PAX5: variants seen among roughly 807,000 people sequenced by gnomAD.
PAX5 encodes the protein paired box protein Pax-5.
PAX5 carries 9 observed loss-of-function variants against 43.7 expected under a neutral mutation model. The observed-to-expected ratio is 0.21, with a 90% CI of 0.12 to 0.36. PAX5 has a LOEUF of 0.36. Among genes scored for constraint, PAX5 ranks in the 10% least tolerant of loss-of-function variants. The pLI is 1.00. For synonymous variants in PAX5, 228 were observed against 214.3 expected (o/e 1.06, Z -0.56); for missense variants, 383 against 532.7 (o/e 0.72, Z 2.77).
intron 6 of PAX5, among the ~76,000 whole-genome samples, chr9:36,929,627 C>T (rs1200898136): frequency 6.6e-6 from 1 of 152,226 alleles, no homozygotes; most frequent in Non-Finnish European, 1.5e-5. Context: ...CTGGTGCTGT[C>T]CTTGACCATG....
At chr9:36,986,942 A>T (rs532102208) in intron 5 of PAX5, among the ~76,000 whole-genome samples, 23 of 152,272 alleles carry the variant, frequency 1.5e-4, no homozygotes, top group African/African-American at 4.8e-4. Flanking sequence ...GCCCATGCCC[A>T]GTGCCTGGGT....
intron 7 of PAX5, among the ~76,000 whole-genome samples, chr9:36,911,303 T>A (rs945799366): frequency 6.6e-6 from 1 of 151,620 alleles, no homozygotes; most frequent in African/African-American, 2.4e-5. Context: ...ACTGATATTA[T>A]CTCCTTTCCA....
chr9:36,867,060 T>A (rs10597091), intron 8 of PAX5, among the ~76,000 whole-genome samples: 2 of 31,600 alleles, frequency 6.3e-5, no homozygotes, highest in African/African-American at 2.3e-4. Flanking sequence ...GATGGGGTGG[T>A]GGGGGGGGGG....
chr9:36,848,081 C>G (rs1822761956), intron 8 of PAX5, among the ~76,000 whole-genome samples: 1 of 152,136 alleles, frequency 6.6e-6, no homozygotes, highest in African/African-American at 2.4e-5. Flanking sequence ...TTACATAGCC[C>G]CATGAGCCCA....
Position 36,837,083 on chromosome 9 carries a change from T to C in PAX5, c.*3477A>G, listed in dbSNP as rs1423705853. The C allele has an allele frequency of 2.1e-5, 5 of 233,000 alleles. No individual in the cohort carries two copies. Among genetic ancestry groups the C allele is most frequent in the Non-Finnish European group, 4.2e-5 (5 of 117,970 alleles). 14.4% of individuals were successfully genotyped at this position (233,000 alleles called of 1,614,324 possible). ...CTTGCCTGATTGTGGGTCTGGGGGA[T>C]TTCTAGGGAATGGGGGTGGGGGAGT... On this transcript the variant is annotated 3_prime_UTR_variant, in exon 10 of 10. Transcript: ENST00000358127.
At chr9:36,931,577 G>A (rs1474184273) in intron 6 of PAX5, among the ~76,000 whole-genome samples, 2 of 152,128 alleles carry the variant, frequency 1.3e-5, no homozygotes, top group Admixed American at 6.5e-5. Context: ...GGCCAGGCGC[G>A]GTGGCTCACG....
chr9:36,973,423 G>A lies in PAX5; in HGVS notation c.605-6699C>T, dbSNP rs921214288. Among the ~76,000 whole-genome samples, 8 of 152,208 alleles carry A rather than the reference G, an allele frequency of 5.3e-5. 1 individual carries two copies. In the South Asian group the frequency reaches 1.7e-3, roughly 31 times the overall value. On this transcript the variant is annotated intron_variant, in intron 5 of 9. Coordinates refer to ENST00000358127, the MANE Select transcript of PAX5 (RefSeq NM_016734.3). Reference sequence around the variant, plus strand: ...GCTGGGGTGACTGGCAAGATGAAATGATGTGACTTGGGGCATTTTTCCAGT... The same window carrying A: ...GCTGGGGTGACTGGCAAGATGAAATAATGTGACTTGGGGCATTTTTCCAGT...
intron 5 of PAX5, among the ~76,000 whole-genome samples, chr9:36,998,668 T>G (rs545278814): frequency 1.6e-4 from 24 of 152,394 alleles, no homozygotes; most frequent in African/African-American, 5.8e-4. Context: ...ATTTTAATTT[T>G]AAAATAGAAG....
chr9:37,002,581 G>A, intron 5 of PAX5, 67 bp downstream of exon 5: 3 of 1,547,686 alleles, frequency 1.9e-6, no homozygotes, highest in South Asian at 2.4e-5. Context: ...GCTGCCACCC[G>A]CGACCGAGCG....
intron 1 of PAX5, among the ~76,000 whole-genome samples, chr9:37,026,353 G>A (rs898198415): frequency 4.6e-5 from 7 of 152,282 alleles, no homozygotes; most frequent in African/African-American, 1.7e-4. Context: ...AGGTGCCTCA[G>A]CCCGGGCGGC....
intron 1 of PAX5, among the ~76,000 whole-genome samples, chr9:37,027,534 G>T (rs1048323143): frequency 6.6e-6 from 1 of 152,226 alleles, no homozygotes; most frequent in African/African-American, 2.4e-5. Flanking sequence ...AGAGCAGAGG[G>T]TCCCAGCCAC....
intron 7 of PAX5, among the ~76,000 whole-genome samples, chr9:36,887,774 A>G (rs1827027365): frequency 1.3e-5 from 2 of 152,190 alleles, no homozygotes; most frequent in African/African-American, 4.8e-5. Flanking sequence ...AAATAGATAC[A>G]CTGGACTTCA....
At chr9:36,913,767 C>A (rs1829504116) in intron 7 of PAX5, among the ~76,000 whole-genome samples, 1 of 152,180 alleles carries the variant, frequency 6.6e-6, no homozygotes, top group African/African-American at 2.4e-5. Context: ...AGCGCAGAAG[C>A]CATCTGTTCC....
rs1821536267 is a variant in PAX5 at position 36,834,898 on chromosome 9, G to A, written c.*5662C>T. The A allele has an allele frequency of 2.6e-5, 6 of 232,020 alleles. No individual in the cohort carries two copies. The highest frequency in any genetic ancestry group is 5.1e-5 in the Non-Finnish European group (6 of 117,392). 14.4% of individuals were successfully genotyped at this position (232,020 alleles called of 1,614,324 possible). A position where few individuals can be genotyped will look rare whatever the true frequency, so the allele number is the denominator to read the frequency against. ...GGCTGGTGTGGCCTCCTCCTGCCAG[G>A]CCTCAGAGTCGGGGAGGAGATGCAC... On this transcript the variant is annotated 3_prime_UTR_variant, in exon 10 of 10. Coordinates refer to ENST00000358127, the MANE Select transcript of PAX5 (RefSeq NM_016734.3).
rs1841297179 is a variant in PAX5, at chr9:37,034,098, C to CTTTCTTTTTTTTTTTTTTT, written c.-68_-67insAAAAAAAAAAAAAAAGAAA. On this transcript the variant is annotated 5_prime_UTR_variant, in exon 1 of 10. Coordinates refer to ENST00000358127, the MANE Select transcript of PAX5 (RefSeq NM_016734.3). Reference sequence around the variant, plus strand: ...TCCACTTTTTTGTGCCTTTTTTTTTCTTTTTTTTTTTTTTTTTTTTTTTTT... The same window carrying CTTTCTTTTTTTTTTTTTTT: ...TCCACTTTTTTGTGCCTTTTTTTTTCTTTCTTTTTTTTTTTTTTTTTTTTTTTTTTTTTTTTTTTTTTTT... 21 of 320,102 alleles carry CTTTCTTTTTTTTTTTTTTT rather than the reference C, an allele frequency of 6.6e-5. 2 individuals are homozygous for CTTTCTTTTTTTTTTTTTTT. In the African/African-American group the frequency reaches 9.0e-4, roughly 14 times the overall value. 19.8% of individuals were successfully genotyped at this position (320,102 alleles called of 1,614,324 possible).
chr9:37,002,653 T>G lies in PAX5; in HGVS notation c.599A>C (p.Asp200Ala), dbSNP rs752373531. ...GCTGCGCGGGCCTCTCTTACCTTCG[T>G]CTCTCTTGCGCTTGTTGGTGTCGGC... is the stretch of plus-strand genomic sequence containing the variant. ...PSADTNKRKR[D>A]EGIQESPVPN... The change falls in exon 5 of 10, where the codon GAC (aspartate) becomes GCC (alanine). Residue 200 changes from aspartate to alanine, a missense_variant. By Grantham distance (126) the Asp-to-Ala change is moderately radical (BLOSUM62 -2). Around this residue, in one of 5 missense-constraint regions of PAX5, gnomAD observed 291 missense variants for 342.5 expected, o/e 0.85. Coordinates refer to ENST00000358127, the MANE Select transcript of PAX5 (RefSeq NM_016734.3). The G allele has an allele frequency of 3.7e-6, 6 of 1,611,330 alleles. No homozygotes were observed. The Admixed American group carries it at 1.0e-4, about 27-fold the overall frequency.
At chr9:36,892,323 C>T (rs945272743) in intron 7 of PAX5, among the ~76,000 whole-genome samples, 4 of 152,176 alleles carry the variant, frequency 2.6e-5, no homozygotes, top group African/African-American at 9.7e-5. Context: ...AAACACTGTC[C>T]TGAGTGCTCT....
At chr9:36,863,870 G>T (rs749680817) in intron 8 of PAX5, among the ~76,000 whole-genome samples, 3 of 152,226 alleles carry the variant, frequency 2.0e-5, no homozygotes, top group Non-Finnish European at 4.4e-5. Flanking sequence ...CAGTACTTTG[G>T]GAGGCTAAGG....
At chr9:36,960,264 A>G (rs1336345654) in intron 6 of PAX5, among the ~76,000 whole-genome samples, 3 of 152,194 alleles carry the variant, frequency 2.0e-5, no homozygotes, top group East Asian at 1.9e-4. Context: ...TAACTGTAGT[A>G]CCTGTCACGA....
Sources: gnomAD v4.1 joint callset for allele counts (sites outside exome capture counted in the v4.1 genomes callset) on GRCh38, gnomAD v4.1.1 for gene constraint, gnomAD v4.1.1 regional missense constraint, MANE v1.5 for transcripts, NCBI Gene and HGNC (gene_info 2026-07-23, HGNC 2026-07-21) for gene names.